CFAP54: variants seen among roughly 807,000 people sequenced by gnomAD.
CFAP54 encodes the protein cilia- and flagella-associated protein 54.
Under a neutral mutation model 370.4 loss-of-function variants are expected in CFAP54, and 290 were observed. That is an observed-to-expected ratio of 0.78 (90% CI 0.71 to 0.86). The LOEUF is 0.86. Ranked by LOEUF, CFAP54 falls within the 40% of genes least tolerant of loss-of-function variation. The probability of loss-of-function intolerance (pLI) is 0.00; values close to 1 mark genes in which losing one functional copy is unlikely to be tolerated. For missense variants in CFAP54, 3,399 were observed against 3,528.7 expected (o/e 0.96, Z 0.93); for synonymous variants, 1,206 against 1,236.5 (o/e 0.98, Z 0.52).
intron 14 of CFAP54, among the ~76,000 whole-genome samples, chr12:96,542,293 T>G (rs1053994628): frequency 2.0e-5 from 3 of 152,200 alleles, no homozygotes; most frequent in South Asian, 4.1e-4. Context: ...GCCCAAGCTC[T>G]GTCCTACTTC....
chr12:96,525,006 A>G (rs1230252953), intron 8 of CFAP54, among the ~76,000 whole-genome samples: 2 of 152,056 alleles, frequency 1.3e-5, no homozygotes, highest in Non-Finnish European at 2.9e-5. Context: ...TTCCAGGTGT[A>G]GGATTATGGA....
chr12:96,682,413 G>A, intron 40 of CFAP54: 1 of 649,390 alleles, frequency 1.5e-6, no homozygotes, highest in Non-Finnish European at 1.9e-6. Context: ...TGTCATCCAG[G>A]CTGGAGTGCA....
rs1479206647 is a variant in CFAP54, at chr12:96,506,798, G to T, written c.568-130G>T. The T allele has an allele frequency of 1.0e-4, 69 of 662,934 alleles. 1 individual carries two copies. In the Admixed American group the frequency reaches 2.1e-3, roughly 20 times the overall value. 41.1% of individuals were successfully genotyped at this position (662,934 alleles called of 1,614,324 possible). A position where few individuals can be genotyped will look rare whatever the true frequency, so the allele number is the denominator to read the frequency against. On this transcript the variant is annotated intron_variant, in intron 3 of 67. Transcript: ENST00000524981. ...GACAGGATTTCATCATGTTGGCCAG[G>T]CTGGTCTCAAACTCCTGACCTCAGG...
rs143188472 is a variant in CFAP54, at chr12:96,568,526, T to C, written c.2619+3761T>C. On this transcript the variant is annotated intron_variant, in intron 19 of 67. Coordinates refer to ENST00000524981, the MANE Select transcript of CFAP54 (RefSeq NM_001306084.2). ...CAGGGTACTCTCCTAAACAATGATG[T>C]TATGGCTCAAATAATTGCCAAACTT... Among the ~76,000 whole-genome samples the C allele has an allele frequency of 1.4e-3, 217 of 152,302 alleles. 1 individual carries two copies. The highest frequency in any genetic ancestry group is 2.6e-3 in the Non-Finnish European group (174 of 68,026).
At chr12:96,664,622 ATGTGTGTGTGTGTGTG>A (rs55839375) in intron 39 of CFAP54, among the ~76,000 whole-genome samples, 16,256 of 115,222 alleles carry the variant, frequency 0.14, 1,345 homozygotes, top group Middle Eastern at 0.26. Flanking sequence ...CCAAGAACGT[ATGTGTGTGTGTGTGTG>A]TGTGTGTGTG....
At chr12:96,676,104 C>G (rs950467798) in intron 39 of CFAP54, among the ~76,000 whole-genome samples, 1 of 151,992 alleles carries the variant, frequency 6.6e-6, no homozygotes, top group Admixed American at 6.6e-5. Flanking sequence ...AGATACATGA[C>G]CAGTAGTCAT....
chr12:96,512,094 A>T (rs2136358435), intron 4 of CFAP54, among the ~76,000 whole-genome samples: 1 of 151,936 alleles, frequency 6.6e-6, no homozygotes, highest in East Asian at 1.9e-4. Context: ...TTTTCACTAG[A>T]ATGCTAGTAG....
At chr12:96,517,277 C>T (rs1468568065) in intron 5 of CFAP54, among the ~76,000 whole-genome samples, 1 of 152,132 alleles carries the variant, frequency 6.6e-6, no homozygotes, top group East Asian at 1.9e-4. Context: ...AGCCCCAGCT[C>T]TTTTGATTAG....
In CFAP54 at chr12:96,594,435, C is replaced by T. The variant is rs752879049; in HGVS notation, c.3505C>T (p.Pro1169Ser). The change falls in exon 25 of 68, where the codon CCT becomes TCT. Residue 1169 changes from proline to serine, a missense_variant. By Grantham distance (74) the Pro-to-Ser change is moderately conservative. Coordinates refer to ENST00000524981, the MANE Select transcript of CFAP54 (RefSeq NM_001306084.2). ...AATTTATCACAATATTGTTTTGGTA[C>T]CTGTTGTACAGGTAAGGGTATTCCT... Reference protein sequence around the residue: ...PIIYHNIVLVPVVQILIKCIV... With the variant: ...PIIYHNIVLVSVVQILIKCIV... The T allele has an allele frequency of 7.2e-6, 11 of 1,529,506 alleles. No homozygotes were observed. The South Asian group carries it at 1.3e-4, about 18-fold the overall frequency. The allele number at this position is 1,529,506 out of a possible 1,614,324, so 94.7% of individuals were successfully genotyped here. A position where few individuals can be genotyped will look rare whatever the true frequency, so the allele number is the denominator to read the frequency against.
chr12:96,802,018 G>T (rs1958824596), intron 63 of CFAP54, among the ~76,000 whole-genome samples: 1 of 152,124 alleles, frequency 6.6e-6, no homozygotes, highest in African/African-American at 2.4e-5. Flanking sequence ...ATATTGCATG[G>T]CTGGGAAGGG....
intron 36 of CFAP54, among the ~76,000 whole-genome samples, chr12:96,654,113 C>T (rs965436922): frequency 7.9e-5 from 12 of 152,160 alleles, no homozygotes; most frequent in African/African-American, 2.9e-4. Context: ...CAGAAACCTT[C>T]ACATAAAGAA....
chr12:96,765,321 G>A (rs1339132230), intron 60 of CFAP54, 103 bp downstream of exon 60: 1 of 1,125,096 alleles, frequency 8.9e-7, no homozygotes, highest in Non-Finnish European at 1.2e-6. Context: ...AGCTTAGATG[G>A]GATAATGTTT....
chr12:96,529,384 G>C (rs1415125578), intron 9 of CFAP54, among the ~76,000 whole-genome samples: 2 of 152,098 alleles, frequency 1.3e-5, no homozygotes, highest in Admixed American at 6.6e-5. Flanking sequence ...ATTTCTGTTG[G>C]TGTGGAATTG....
Position 96,654,832 on chromosome 12 carries a change from A to ATTTTTTTTTTTT in CFAP54, c.5100+3022_5100+3033dup, listed in dbSNP as rs10631171. Among the ~76,000 whole-genome samples, 507 of 132,034 alleles carry ATTTTTTTTTTTT rather than the reference A, an allele frequency of 3.8e-3. 4 individuals are homozygous for ATTTTTTTTTTTT. The highest frequency in any genetic ancestry group is 0.013 in the African/African-American group (477 of 37,670). 86.6% of individuals were successfully genotyped at this position (132,034 alleles called of 152,430 possible). A position where few individuals can be genotyped will look rare whatever the true frequency, so the allele number is the denominator to read the frequency against. The stretch of plus-strand genomic sequence containing the variant: ...TTTTGTGTCTGGCTCATTTCACTTA[A>ATTTTTTTTTTTT]TTTTTTTTTTTTTTTTAAGAAATGA... On this transcript the variant is annotated intron_variant, in intron 36 of 67. Transcript: ENST00000524981.
At chr12:96,561,773 CTT>C (rs376442763) in intron 17 of CFAP54, among the ~76,000 whole-genome samples, 3 of 94,856 alleles carry the variant, frequency 3.2e-5, no homozygotes, top group Non-Finnish European at 5.7e-5. Context: ...ATCACAAGTT[CTT>C]TTTTTTTTTT....
intron 36 of CFAP54, among the ~76,000 whole-genome samples, chr12:96,655,766 TCTAA>T (rs1384490830): frequency 6.6e-6 from 1 of 152,104 alleles, no homozygotes; most frequent in Non-Finnish European, 1.5e-5. Flanking sequence ...CTTATTTTAA[TCTAA>T]CTAACACATA....
intron 52 of CFAP54, 113 bp from the exon 53 acceptor site, chr12:96,743,288 TC>T: frequency 1.0e-6 from 1 of 979,024 alleles, no homozygotes; most frequent in Non-Finnish European, 1.5e-6. Flanking sequence ...CTTAATATAC[TC>T]CCCTGTTCTT....
intron 26 of CFAP54, among the ~76,000 whole-genome samples, chr12:96,615,701 A>G (rs1444908088): frequency 1.3e-5 from 2 of 152,256 alleles, no homozygotes; most frequent in African/African-American, 4.8e-5. Flanking sequence ...AAGTGGAGGA[A>G]GGACATGAAC....
chr12:96,784,800 A>G lies in CFAP54; in HGVS notation c.8365A>G (p.Lys2789Glu). ...DVCDSADGRK[K>E]TQTKVDITWI... Reference sequence around the variant, plus strand: ...GTGTGACAGCGCAGATGGTAGAAAAAAGACTCAGACCAAAGTGGATATTAC... The same window carrying G: ...GTGTGACAGCGCAGATGGTAGAAAAGAGACTCAGACCAAAGTGGATATTAC... Residue 2789 changes from lysine (K) to glutamate (E), a missense_variant, in exon 61 of 68, where the codon AAG (lysine) becomes GAG (glutamate). Around this residue, in one of 3 missense-constraint regions of CFAP54, gnomAD observed 2,796 missense variants for 2,869.7 expected, o/e 0.97. Coordinates refer to ENST00000524981, the MANE Select transcript of CFAP54 (RefSeq NM_001306084.2). The G allele has an allele frequency of 6.5e-7, 1 of 1,534,960 alleles. No individual in the cohort carries two copies. Among genetic ancestry groups the G allele is most frequent in the Non-Finnish European group, 8.7e-7 (1 of 1,146,100 alleles).
Sources: gnomAD v4.1 joint callset for allele counts (sites outside exome capture counted in the v4.1 genomes callset) on GRCh38, gnomAD v4.1.1 for gene constraint, gnomAD v4.1.1 regional missense constraint, MANE v1.5 for transcripts, NCBI Gene and HGNC (gene_info 2026-07-23, HGNC 2026-07-21) for gene names.